ADISSP: variants seen among roughly 807,000 people sequenced by gnomAD.
ADISSP encodes adipose-secreted signaling protein.
the ADISSP span, chr20:3,758,807 G>A: frequency 2.0e-5 from 17 of 831,120 alleles, no homozygotes; most frequent in Non-Finnish European, 3.0e-5. This position sits in a 1 kb window ranked among gnomAD's most constrained non-coding sequence, Gnocchi z 5.5. Context: ...TCTTTTCAGG[G>A]CTAGATGGAC....
the ADISSP span, among the ~76,000 whole-genome samples, chr20:3,766,398 G>A: frequency 6.6e-6 from 1 of 151,904 alleles, no homozygotes; most frequent in African/African-American, 2.4e-5. Context: ...GTGGGCCAAA[G>A]GTGCAAAGAT....
At chr20:3,764,982 G>A in the ADISSP span, among the ~76,000 whole-genome samples, 2 of 152,340 alleles carry the variant, frequency 1.3e-5, no homozygotes, top group East Asian at 1.9e-4. Context: ...CTTTGAGAGG[G>A]ACATGCCCCA....
the ADISSP span, among the ~76,000 whole-genome samples, chr20:3,763,434 T>G: frequency 6.8e-6 from 1 of 146,914 alleles, no homozygotes; most frequent in Non-Finnish European, 1.5e-5. Context: ...GGCGCATGCC[T>G]GTAATCCAGC....
At chr20:3,760,752 GC>G in the ADISSP span, among the ~76,000 whole-genome samples, 3 of 152,156 alleles carry the variant, frequency 2.0e-5, no homozygotes, top group Non-Finnish European at 2.9e-5. Flanking sequence ...GAGGGGGTGT[GC>G]CCCCACCTGA....
At chr20:3,753,697 G>A in the ADISSP span, 2 of 322,914 alleles carry the variant, frequency 6.2e-6, no homozygotes, top group East Asian at 7.4e-5. Flanking sequence ...GGGCCACGAC[G>A]CCACAGAGCC....
chr20:3,754,287 CCT>C, the ADISSP span: 2 of 1,499,684 alleles, frequency 1.3e-6, no homozygotes, highest in Non-Finnish European at 9.2e-7. Context: ...GTTGAGAACC[CCT>C]GAGCCGGGCA....
chr20:3,762,260 A>G, the ADISSP span, among the ~76,000 whole-genome samples: 1 of 151,798 alleles, frequency 6.6e-6, no homozygotes, highest in African/African-American at 2.4e-5. Flanking sequence ...TGACACAGCG[A>G]GACTCTGTCT....
the ADISSP span, chr20:3,760,183 G>A: frequency 4.2e-6 from 5 of 1,183,062 alleles, no homozygotes; most frequent in African/African-American, 7.4e-5. Flanking sequence ...ACACCAGCGG[G>A]AGCCTGAAGG....
chr20:3,755,505 G>A, the ADISSP span: 1 of 1,612,714 alleles, frequency 6.2e-7, no homozygotes, highest in South Asian at 1.1e-5. Flanking sequence ...AGCTTGAGGT[G>A]CAGGCTGGGG....
chr20:3,766,174 C>T, the ADISSP span, among the ~76,000 whole-genome samples: 44 of 152,344 alleles, frequency 2.9e-4, no homozygotes, highest in African/African-American at 1.0e-3. Context: ...AGCAGAAGCA[C>T]TGTGTAGCCT....
the ADISSP span, chr20:3,754,290 G>A: frequency 1.6e-5 from 24 of 1,503,262 alleles, no homozygotes; most frequent in African/African-American, 1.1e-4. Flanking sequence ...GAGAACCCCT[G>A]AGCCGGGCAA....
At chr20:3,754,609 G>T in the ADISSP span, 6 of 1,366,024 alleles carry the variant, frequency 4.4e-6, no homozygotes, top group East Asian at 1.4e-4. Context: ...CACCACCATG[G>T]GGGGACTGCA....
At chr20:3,759,225 C>G in the ADISSP span, among the ~76,000 whole-genome samples, 10 of 152,288 alleles carry the variant, frequency 6.6e-5, no homozygotes, top group African/African-American at 1.9e-4. The surrounding 1 kb of genome is among the most constrained non-coding windows in gnomAD (Gnocchi z 4.6). Flanking sequence ...ACTCAGGCCA[C>G]CTGGGCGAGG....
the ADISSP span, chr20:3,759,920 CA>C: frequency 8.0e-7 from 1 of 1,243,394 alleles, no homozygotes; most frequent in Non-Finnish European, 1.2e-6. This position sits in a 1 kb window ranked among gnomAD's most constrained non-coding sequence, Gnocchi z 4.6. Context: ...CTGGCACAAA[CA>C]CTGACATAGT....
the ADISSP span, chr20:3,755,543 A>C: frequency 6.2e-7 from 1 of 1,613,518 alleles, no homozygotes; most frequent in Non-Finnish European, 8.5e-7. Context: ...ATCCTTGCTC[A>C]GCCTGTGCAC....
the ADISSP span, among the ~76,000 whole-genome samples, chr20:3,754,848 C>T: frequency 6.6e-6 from 1 of 152,056 alleles, no homozygotes; most frequent in Admixed American, 6.6e-5. Flanking sequence ...CAGGGAGAGG[C>T]GGTGATGAGG....
the ADISSP span, among the ~76,000 whole-genome samples, chr20:3,760,748 G>T: frequency 0.014 from 2,146 of 152,284 alleles, 49 homozygotes; most frequent in African/African-American, 0.049. Context: ...TGTGGAGGGG[G>T]TGTGCCCCCA....
At chr20:3,764,240 A>G in the ADISSP span, among the ~76,000 whole-genome samples, 1 of 152,056 alleles carries the variant, frequency 6.6e-6, no homozygotes, top group Non-Finnish European at 1.5e-5. Flanking sequence ...CTCCAGCCAC[A>G]CCTCTGCAGC....
At chr20:3,754,035 C>T in the ADISSP span, 17 of 1,578,148 alleles carry the variant, frequency 1.1e-5, no homozygotes, top group Admixed American at 1.0e-4. Flanking sequence ...CTGAGGGGCC[C>T]GGGGCAGGCG....
Sources: allele counts gnomAD v4.1 joint callset (sites outside exome capture counted in the v4.1 genomes callset), GRCh38; gene constraint gnomAD v4.1.1; non-coding constraint Gnocchi (gnomAD v3.1); transcripts MANE v1.5; gene names NCBI Gene and HGNC (gene_info 2026-07-23, HGNC 2026-07-21).